NUP98: variants seen among roughly 807,000 people sequenced by gnomAD.
The protein encoded by NUP98 is nucleoporin 98 and 96 precursor.
In NUP98, 26 loss-of-function variants were observed where a neutral mutation model predicts 191.9. The observed-to-expected ratio is 0.14, with a 90% CI of 0.10 to 0.19. NUP98 has a LOEUF of 0.19. Among genes scored for constraint, NUP98 ranks in the 10% least tolerant of loss-of-function variants. NUP98 has a pLI of 1.00. For missense variants in NUP98, 1,941 were observed against 2,178.8 expected (o/e 0.89, Z 2.17); for synonymous variants, 808 against 778.4 (o/e 1.04, Z -0.63).
At chr11:3,732,657 T>C (rs1369172661) in intron 13 of NUP98, among the ~76,000 whole-genome samples, 4 of 152,192 alleles carry the variant, frequency 2.6e-5, no homozygotes, top group Non-Finnish European at 4.4e-5. Context: ...CTGAGAAAAC[T>C]ACAAGTTAGT....
chr11:3,753,447 A>G (rs770708624), intron 10 of NUP98, 39 bp from the exon 11 acceptor site: 3 of 1,476,686 alleles, frequency 2.0e-6, no homozygotes, highest in Non-Finnish European at 1.9e-6. Flanking sequence ...TACTTTTAAT[A>G]TAACTCTCAA....
chr11:3,687,293 T>C (rs1250251912), intron 28 of NUP98, among the ~76,000 whole-genome samples: 4 of 152,196 alleles, frequency 2.6e-5, no homozygotes, highest in Non-Finnish European at 5.9e-5. Context: ...AAGTTCTCTA[T>C]CAGATCTACG....
chr11:3,742,098 C>CA (rs2080304846), intron 12 of NUP98, among the ~76,000 whole-genome samples: 2 of 152,184 alleles, frequency 1.3e-5, no homozygotes, highest in Non-Finnish European at 2.9e-5. Context: ...AGAGAATAAT[C>CA]AGAGTCCACA....
At chr11:3,785,017 C>T (rs1037237714) in intron 1 of NUP98, among the ~76,000 whole-genome samples, 13 of 151,580 alleles carry the variant, frequency 8.6e-5, no homozygotes, top group African/African-American at 2.4e-4. Context: ...AGGCGCCTGC[C>T]GTCCCAGCTA....
intron 1 of NUP98, among the ~76,000 whole-genome samples, chr11:3,795,618 C>A (rs1402613755): frequency 6.6e-6 from 1 of 152,030 alleles, no homozygotes; most frequent in South Asian, 2.1e-4. Flanking sequence ...TGAGGGCCTA[C>A]TATGTGGCAA....
intron 12 of NUP98, among the ~76,000 whole-genome samples, chr11:3,742,699 CAAAA>C (rs35895691): frequency 2.4e-5 from 2 of 82,878 alleles, no homozygotes; most frequent in South Asian, 4.1e-4. Context: ...ACTCTGTCTC[CAAAA>C]AAAAAAAAAA....
In NUP98 at chr11:3,735,256, A is replaced by T. The variant is rs942735661; in HGVS notation, c.1477T>A (p.Tyr493Asn). 3 of 1,600,788 alleles carry T rather than the reference A, an allele frequency of 1.9e-6. No individual in the cohort carries two copies. The African/African-American group carries it at 4.0e-5, about 21-fold the overall frequency. ...VLQQHINSLT[Y>N]SPFGDSPLFR... ...AGAGGAGAGTCTCCAAAAGGTGAGT[A>T]TGTTAGACTATTGATGTGCTGCTGG... is the stretch of plus-strand genomic sequence containing the variant. Residue 493 changes from tyrosine (Y) to asparagine (N), a missense_variant, in exon 13 of 33, where the codon TAC (tyrosine) becomes AAC (asparagine). By Grantham distance (143) the Tyr-to-Asn change is moderately radical. Around this residue, in one of 6 missense-constraint regions of NUP98, gnomAD observed 453 missense variants for 438.2 expected, o/e 1.03. Transcript: ENST00000324932.
intron 8 of NUP98, among the ~76,000 whole-genome samples, chr11:3,765,230 C>T (rs1285937290): frequency 3.3e-5 from 5 of 152,130 alleles, no homozygotes; most frequent in African/African-American, 1.2e-4. Flanking sequence ...CATTATGTCG[C>T]TCAGGCTAGA....
intron 10 of NUP98, among the ~76,000 whole-genome samples, chr11:3,759,471 C>G (rs2081090577): frequency 1.3e-5 from 2 of 152,064 alleles, no homozygotes; most frequent in Admixed American, 1.3e-4. Context: ...GTGGTGCGTG[C>G]CTGTATTCCC....
rs1399739092 is a variant in NUP98 at position 3,691,620 on chromosome 11, CT to C, written c.4312-132del. The C allele has an allele frequency of 3.7e-6, 3 of 807,602 alleles. No individual in the cohort carries two copies. The African/African-American group carries it at 5.2e-5, about 14-fold the overall frequency. The allele number at this position is 807,602 out of a possible 1,614,324, so 50.0% of individuals were successfully genotyped here. On this transcript the variant is annotated intron_variant, in intron 27 of 32. Coordinates refer to ENST00000324932, the MANE Select transcript of NUP98 (RefSeq NM_016320.5). The stretch of plus-strand genomic sequence containing the variant: ...CCAGGCTGGAGTGCAGTGGGACAAT[CT>C]CGGCTCACTGCAACCTCCGCTTCCC...
chr11:3,761,024 A>T (rs2081147587), intron 9 of NUP98, among the ~76,000 whole-genome samples: 1 of 152,244 alleles, frequency 6.6e-6, no homozygotes, highest in Non-Finnish European at 1.5e-5. Flanking sequence ...TGCTACATGG[A>T]TGTTCCTTGA....
chr11:3,778,578 A>G (rs1379009995), intron 4 of NUP98, among the ~76,000 whole-genome samples: 1 of 152,172 alleles, frequency 6.6e-6, no homozygotes, highest in African/African-American at 2.4e-5. Flanking sequence ...CATGAACTAC[A>G]CTACTCTGAC....
At chr11:3,793,418 G>A (rs780896854) in intron 1 of NUP98, among the ~76,000 whole-genome samples, 1 of 151,852 alleles carries the variant, frequency 6.6e-6, no homozygotes, top group Non-Finnish European at 1.5e-5. Context: ...CCTCCCAGTA[G>A]CTGGGACTAC....
chr11:3,720,990 G>GTGTGTGTGTA (rs1168532253), intron 16 of NUP98, 165 bp from the exon 17 acceptor site: 8 of 480,742 alleles, frequency 1.7e-5, no homozygotes, highest in African/African-American at 1.6e-4. Context: ...GTGTGTGTGT[G>GTGTGTGTGTA]TGTGTGTGTG....
In NUP98 at chr11:3,683,354, A is replaced by T. The variant is rs2078032994; in HGVS notation, c.4764T>A (p.Leu1588=). ...TGGCAGGTACACGGAGCTTCTGGGT[A>T]AGGAAAGTCTCTTTAGCCCAAGATT... ...TPESWAKETF[L]TQKLRVPAKW... Residue 1588 remains leucine, a synonymous_variant, in exon 30 of 33, where the codon CTT becomes CTA. Transcript: ENST00000324932. 1 of 1,614,028 alleles carries T rather than the reference A, an allele frequency of 6.2e-7. No individual in the cohort carries two copies. Among genetic ancestry groups the T allele is most frequent in the African/African-American group, 1.3e-5 (1 of 74,902 alleles).
At chr11:3,785,132 T>C (rs1388096823) in intron 1 of NUP98, among the ~76,000 whole-genome samples, 1 of 151,026 alleles carries the variant, frequency 6.6e-6, no homozygotes, top group Non-Finnish European at 1.5e-5. Context: ...AGCGAGACTC[T>C]GTCTCAAAAA....
intron 2 of NUP98, among the ~76,000 whole-genome samples, chr11:3,779,849 C>T (rs777298760): frequency 6.8e-6 from 1 of 148,088 alleles, no homozygotes; most frequent in African/African-American, 2.5e-5. Flanking sequence ...AAGTGCTGGC[C>T]GGGCACGGTG....
At chr11:3,680,767 CG>C (rs1461640638) in intron 30 of NUP98, among the ~76,000 whole-genome samples, 2 of 152,124 alleles carry the variant, frequency 1.3e-5, no homozygotes, top group Non-Finnish European at 2.9e-5. Flanking sequence ...AACCTAATCT[CG>C]AACTACTGAG....
intron 23 of NUP98, among the ~76,000 whole-genome samples, chr11:3,701,145 C>T (rs1469614734): frequency 6.6e-6 from 1 of 152,042 alleles, no homozygotes; most frequent in Non-Finnish European, 1.5e-5. Flanking sequence ...TGTGGGATAC[C>T]TGTTTCTCAA....
Sources: allele counts gnomAD v4.1 joint callset (sites outside exome capture counted in the v4.1 genomes callset), GRCh38; gene constraint gnomAD v4.1.1; regional missense constraint gnomAD v4.1.1; transcripts MANE v1.5; gene names NCBI Gene and HGNC (gene_info 2026-07-23, HGNC 2026-07-21).